SVEP1: variants seen among roughly 807,000 people sequenced by gnomAD.
The protein encoded by SVEP1 is sushi, von Willebrand factor type A, EGF and pentraxin domain-containing protein 1.
Under a neutral mutation model 367.3 loss-of-function variants are expected in SVEP1, and 164 were observed. The observed-to-expected ratio is 0.45, with a 90% CI of 0.39 to 0.51. The LOEUF (loss-of-function observed/expected upper bound fraction) is 0.51, where lower values mean the gene tolerates loss of function less well. SVEP1 is among the 20% of genes least tolerant of loss of function. SVEP1 has a pLI of 0.00. For missense variants in SVEP1, 4,117 were observed against 4,425.3 expected, an observed-to-expected ratio of 0.93 and a Z score of 1.98; for synonymous variants, 1,666 against 1,611.6, an observed-to-expected ratio of 1.03 and a Z score of -0.81.
At chr9:110,561,959 G>A (rs921032337) in intron 1 of SVEP1, among the ~76,000 whole-genome samples, 1 of 152,040 alleles carries the variant, frequency 6.6e-6, no homozygotes, top group African/African-American at 2.4e-5. Flanking sequence ...AAGAACCAGA[G>A]GGTCAAAGAA....
At chr9:110,554,994 T>C (rs1056316254) in intron 1 of SVEP1, among the ~76,000 whole-genome samples, 3 of 152,196 alleles carry the variant, frequency 2.0e-5, no homozygotes, top group African/African-American at 4.8e-5. Context: ...AGTTGTAGTA[T>C]GCCAAGAGGT....
At chr9:110,493,073 T>C (rs1327504312) in intron 8 of SVEP1, among the ~76,000 whole-genome samples, 1 of 151,984 alleles carries the variant, frequency 6.6e-6, no homozygotes, top group Non-Finnish European at 1.5e-5. Flanking sequence ...GAGATGGTAG[T>C]ACTTGAGTTG....
At chr9:110,523,280 A>C (rs989002059) in intron 3 of SVEP1, among the ~76,000 whole-genome samples, 3 of 152,162 alleles carry the variant, frequency 2.0e-5, no homozygotes, top group Non-Finnish European at 4.4e-5. Context: ...CTATCATTCA[A>C]ACCAAGTTGA....
chr9:110,408,893 T>A lies in SVEP1; in HGVS notation c.6707A>T (p.Lys2236Met), dbSNP rs760236628. ...GACAAATACAGGACTTCCGACTGAC[T>A]TATAGCCCGGGTTACACTGATACCT... ...EVRYQCNPGY[K>M]SVGSPVFVCQ... Residue 2236 changes from lysine to methionine, a missense_variant, in exon 38 of 48, where the codon AAG becomes ATG. Coordinates refer to ENST00000374469, the MANE Select transcript of SVEP1 (RefSeq NM_153366.4). 1.2e-6 allele frequency: 2 copies of A among 1,612,510 alleles called. No homozygotes were observed. Among genetic ancestry groups the A allele is most frequent in the African/African-American group, 2.7e-5 (2 of 74,912 alleles).
rs781702114 is a variant in SVEP1 at position 110,483,631 on chromosome 9, C to G, written c.1993G>C (p.Val665Leu). ...GGCTCATCCCAGCTTGCGGCATGTACCTTCTCCGAGACCTGGACGGGAGGT... is the reference window on the plus strand; with the variant it reads ...GGCTCATCCCAGCTTGCGGCATGTAGCTTCTCCGAGACCTGGACGGGAGGT... The part of the protein sequence containing the change: ...SPPPVQVSEK[V>L]HAASWDEPQF... The change falls in exon 10 of 48, where the codon GTA becomes CTA. Residue 665 changes from valine to leucine, a missense_variant. Val to Leu is a conservative substitution (Grantham distance 32). Around this residue, in one of 4 missense-constraint regions of SVEP1, gnomAD observed 2,174 missense variants for 2,494.3 expected, o/e 0.87. Transcript: ENST00000374469. 6.2e-7 allele frequency: 1 copy of G among 1,612,404 alleles called. No homozygotes were observed. Among genetic ancestry groups the G allele is most frequent in the Non-Finnish European group, 8.5e-7 (1 of 1,179,114 alleles).
chr9:110,455,580 T>C lies in SVEP1; in HGVS notation c.3787+10A>G. 2 of 1,595,934 alleles carry C rather than the reference T, an allele frequency of 1.3e-6. No homozygotes were observed. The highest frequency in any genetic ancestry group is 1.7e-6 in the Non-Finnish European group (2 of 1,168,300). On this transcript the variant is annotated intron_variant, in intron 22 of 47. Transcript: ENST00000374469. ...TTTATATTGTTGAAAACAGGAGACC[T>C]TCCCCTTACCTGTGTAACCTGATGG... is the stretch of plus-strand genomic sequence containing the variant.
In SVEP1 at chr9:110,375,465, T is replaced by TAAAA. The variant is rs71373993; in HGVS notation, c.10505-6_10505-3dup. ...TCAGACAGGGAAGAATGCAGATTGCTAAAAAAAAAAAAAAAAAAAAAAAAA... is the reference window on the plus strand; with the variant it reads ...TCAGACAGGGAAGAATGCAGATTGCTAAAAAAAAAAAAAAAAAAAAAAAAAAAAA... On this transcript the variant is annotated splice_region_variant and splice_polypyrimidine_tract_variant and intron_variant, in intron 45 of 47. Transcript: ENST00000374469. 0.018 allele frequency: 10,016 copies of TAAAA among 551,426 alleles called. 517 individuals carry two copies. The highest frequency in any genetic ancestry group is 0.024 in the South Asian group (911 of 38,746). The allele number at this position is 551,426 out of a possible 1,614,324, so 34.2% of individuals were successfully genotyped here. A position where few individuals can be genotyped will look rare whatever the true frequency, so the allele number is the denominator to read the frequency against.
In SVEP1 at chr9:110,429,245, G is replaced by T; in HGVS notation, c.5705C>A (p.Pro1902Gln). The stretch of plus-strand genomic sequence containing the variant: ...ATTTTCCGGACTAGAACACTTCACT[G>T]GTTCACACACAGGAGGGGAATGACT... Reference protein sequence around the residue: ...SWSHSPPVCEPVKCSSPENIN... With the variant: ...SWSHSPPVCEQVKCSSPENIN... The change falls in exon 35 of 48, where the codon CCA becomes CAA. Residue 1902 changes from proline to glutamine, a missense_variant. Physicochemically the swap from Pro to Gln is moderately conservative, Grantham distance 76 (BLOSUM62 -1). Coordinates refer to ENST00000374469, the MANE Select transcript of SVEP1 (RefSeq NM_153366.4). The T allele has an allele frequency of 1.3e-6, 2 of 1,596,670 alleles. No individual in the cohort carries two copies. Among genetic ancestry groups the T allele is most frequent in the Non-Finnish European group, 1.7e-6 (2 of 1,171,114 alleles).
Position 110,546,133 on chromosome 9 carries a change from G to T in SVEP1, c.946C>A (p.Leu316Met). The T allele has an allele frequency of 6.4e-7, 1 of 1,552,550 alleles. No individual in the cohort carries two copies. The highest frequency in any genetic ancestry group is 8.7e-7 in the Non-Finnish European group (1 of 1,147,230). The stretch of plus-strand genomic sequence containing the variant: ...GACTCACCTGTGCATTCATACTGCA[G>T]ACCTTTCCCGTAATACCCCTTTTCA... ...ICEKGYYGKG[L>M]QYECTACPSG... Residue 316 changes from leucine to methionine, a missense_variant, in exon 3 of 48, where the codon CTG becomes ATG. This residue lies in a region of SVEP1 where 2,174 missense variants were observed against 2,494.3 expected (regional missense o/e 0.87). Coordinates refer to ENST00000374469, the MANE Select transcript of SVEP1 (RefSeq NM_153366.4).
chr9:110,397,008 C>T (rs1027061502), intron 40 of SVEP1, among the ~76,000 whole-genome samples: 4 of 152,144 alleles, frequency 2.6e-5, no homozygotes, highest in African/African-American at 9.7e-5. Context: ...CCAGCATCAT[C>T]CTGATACCAA....
At chr9:110,514,716 T>A (rs2118780100) in intron 3 of SVEP1, among the ~76,000 whole-genome samples, 1 of 152,076 alleles carries the variant, frequency 6.6e-6, no homozygotes, top group East Asian at 1.9e-4. Context: ...AAATTCAAAA[T>A]AGCAATTTAT....
intron 46 of SVEP1, among the ~76,000 whole-genome samples, chr9:110,371,536 C>A (rs905177303): frequency 9.2e-5 from 14 of 152,122 alleles, no homozygotes; most frequent in African/African-American, 3.1e-4. Context: ...CTGCTTATCA[C>A]TTCCCTTGTA....
chr9:110,496,323 A>C (rs947234401), intron 8 of SVEP1, among the ~76,000 whole-genome samples: 3 of 152,168 alleles, frequency 2.0e-5, no homozygotes, highest in Non-Finnish European at 2.9e-5. Flanking sequence ...GGTGGGCACC[A>C]TCTAATCAGC....
chr9:110,538,556 G>A (rs7868545), intron 3 of SVEP1, among the ~76,000 whole-genome samples: 6,354 of 152,146 alleles, frequency 0.042, 142 homozygotes, highest in Middle Eastern at 0.061. Flanking sequence ...ATATTTACAC[G>A]TATAATAAGA....
chr9:110,502,963 G>A, intron 6 of SVEP1, 75 bp downstream of exon 6: 1 of 1,482,276 alleles, frequency 6.7e-7, no homozygotes, highest in Non-Finnish European at 9.1e-7. Context: ...TTAGTTTTAG[G>A]TCTTCACAGA....
rs377711855 is a variant in SVEP1 at position 110,485,959 on chromosome 9, C to A, written c.1931-2266G>T. On this transcript the variant is annotated intron_variant, in intron 9 of 47. Coordinates refer to ENST00000374469, the MANE Select transcript of SVEP1 (RefSeq NM_153366.4). Reference sequence around the variant, plus strand: ...TCCTCATGTTTGTTATTAGTGCAGACCTTAGGTTTATTATTTCACTGTAGA... The same window carrying A: ...TCCTCATGTTTGTTATTAGTGCAGAACTTAGGTTTATTATTTCACTGTAGA... Among the ~76,000 whole-genome samples, 131 of 152,224 alleles carry A rather than the reference C, an allele frequency of 8.6e-4. 1 individual carries two copies. The South Asian group carries it at 0.015, about 17-fold the overall frequency.
At chr9:110,540,967 C>G (rs373613898) in intron 3 of SVEP1, among the ~76,000 whole-genome samples, 104 of 152,218 alleles carry the variant, frequency 6.8e-4, no homozygotes, top group African/African-American at 2.4e-3. Context: ...CCCACAACAA[C>G]GAGGAAGAAA....
intron 1 of SVEP1, among the ~76,000 whole-genome samples, chr9:110,573,361 G>A (rs1344422187): frequency 6.6e-6 from 1 of 151,504 alleles, no homozygotes; most frequent in African/African-American, 2.4e-5. Flanking sequence ...CATAAGCCTG[G>A]GAGAGAAGAT....
intron 41 of SVEP1, among the ~76,000 whole-genome samples, chr9:110,389,236 A>AAAATGCTAATAAACTCAAT (rs1467986352): frequency 2.0e-5 from 3 of 150,326 alleles, no homozygotes; most frequent in Non-Finnish European, 4.5e-5. Flanking sequence ...AAACCCCCCC[A>AAAATGCTAATAAACTCAAT]AAATGCTAAT....
Sources: allele counts gnomAD v4.1 joint callset (sites outside exome capture counted in the v4.1 genomes callset), GRCh38; gene constraint gnomAD v4.1.1; regional missense constraint gnomAD v4.1.1; transcripts MANE v1.5; gene names NCBI Gene and HGNC (gene_info 2026-07-23, HGNC 2026-07-21).